Variants in EXOC4 observed in about 807,000 individuals in gnomAD.
The protein encoded by EXOC4 is SEC8-like 1.
In EXOC4, 71 loss-of-function variants were observed where a neutral mutation model predicts 107.2. The ratio of observed to expected loss-of-function variants is 0.66; its 90% confidence interval spans 0.55 to 0.81. The LOEUF is 0.81. Ranked by LOEUF, EXOC4 falls within the 30% of genes least tolerant of loss-of-function variation. The pLI is 0.00. For synonymous variants in EXOC4, 456 were observed against 441.2 expected (o/e 1.03, Z -0.42); for missense variants, 1,108 against 1,189.6 (o/e 0.93, Z 1.01).
intron 9 of EXOC4, among the ~76,000 whole-genome samples, chr7:133,596,495 T>G (rs1801678017): frequency 6.6e-6 from 1 of 152,252 alleles, no homozygotes; most frequent in African/African-American, 2.4e-5. Flanking sequence ...TATAATCGTT[T>G]GTTTGTTGTG....
chr7:133,674,136 G>A (rs1325076897), intron 10 of EXOC4, among the ~76,000 whole-genome samples: 4 of 152,210 alleles, frequency 2.6e-5, no homozygotes, highest in African/African-American at 9.6e-5. Context: ...AAAGTCACAT[G>A]AGGAATGGGG....
chr7:133,580,237 A>G (rs1801223763), intron 9 of EXOC4, among the ~76,000 whole-genome samples: 1 of 152,220 alleles, frequency 6.6e-6, no homozygotes, highest in African/African-American at 2.4e-5. Context: ...TGTGACTTAC[A>G]TGGCGTGTAC....
At chr7:133,627,327 G>A (rs1651999399) in intron 9 of EXOC4, among the ~76,000 whole-genome samples, 4 of 152,142 alleles carry the variant, frequency 2.6e-5, no homozygotes, top group Admixed American at 2.6e-4. Flanking sequence ...ATACATGAAG[G>A]TTTTCATTTG....
chr7:133,911,306 G>A (rs1294389196), intron 12 of EXOC4, among the ~76,000 whole-genome samples: 2 of 152,102 alleles, frequency 1.3e-5, no homozygotes, highest in Non-Finnish European at 2.9e-5. Context: ...ACATGATCTG[G>A]TTTACCAGAA....
intron 11 of EXOC4, among the ~76,000 whole-genome samples, chr7:133,879,103 A>AT (rs1798910183): frequency 6.6e-6 from 1 of 151,964 alleles, no homozygotes; most frequent in Admixed American, 6.6e-5. Flanking sequence ...CAAAATGGTT[A>AT]TTTTTTATTT....
At chr7:133,473,525 T>A (rs1798932641) in intron 7 of EXOC4, among the ~76,000 whole-genome samples, 2 of 152,164 alleles carry the variant, frequency 1.3e-5, no homozygotes, top group African/African-American at 4.8e-5. Context: ...ATTAATGACC[T>A]TTTTTGTCTT....
chr7:133,753,031 C>G (rs984249531), intron 10 of EXOC4, among the ~76,000 whole-genome samples: 3 of 152,218 alleles, frequency 2.0e-5, no homozygotes, highest in Non-Finnish European at 2.9e-5. Context: ...ATCACTTCCA[C>G]TTCTGCAACA....
At chr7:133,263,707 T>A (rs2150509553) in intron 1 of EXOC4, among the ~76,000 whole-genome samples, 1 of 152,212 alleles carries the variant, frequency 6.6e-6, no homozygotes, top group East Asian at 1.9e-4. Flanking sequence ...TTTTTGTACA[T>A]GGTTGAAAAT....
intron 9 of EXOC4, among the ~76,000 whole-genome samples, chr7:133,481,830 C>T (rs1799165299): frequency 6.6e-6 from 1 of 152,084 alleles, no homozygotes; most frequent in Non-Finnish European, 1.5e-5. Context: ...AGTGAAAGGA[C>T]AGAAAGGAGT....
chr7:133,721,991 A>G (rs1363003573), intron 10 of EXOC4, among the ~76,000 whole-genome samples: 1 of 152,172 alleles, frequency 6.6e-6, no homozygotes, highest in Admixed American at 6.6e-5. Context: ...AAAACCTGAG[A>G]TTCTTCACAG....
At position 134,064,317 on chromosome 7, in the gene EXOC4, C is replaced by T. The variant is rs199617480; in HGVS notation, c.2714C>T (p.Thr905Ile). The T allele has an allele frequency of 6.0e-6, 9 of 1,492,274 alleles. No individual in the cohort carries two copies. The East Asian group carries it at 2.2e-4, about 36-fold the overall frequency. The allele number at this position is 1,492,274 out of a possible 1,614,324, so 92.4% of individuals were successfully genotyped here. ...ARQYYEMLYN[T>I]ADELLNLVVD... is the part of the protein sequence containing the mutation. ...CAGTACTACGAGATGCTTTACAACACAGCTGACGAGCTCCTGAACCTGGTG... is the reference window on the plus strand; with the variant it reads ...CAGTACTACGAGATGCTTTACAACATAGCTGACGAGCTCCTGAACCTGGTG... The change falls in exon 18 of 18, where the codon ACA becomes ATA. Residue 905 changes from threonine (T) to isoleucine (I), a missense_variant. Thr to Ile is a moderately conservative substitution (Grantham distance 89, BLOSUM62 -1). Coordinates refer to ENST00000253861, the MANE Select transcript of EXOC4 (RefSeq NM_021807.4).
intron 13 of EXOC4, among the ~76,000 whole-genome samples, chr7:133,924,158 C>G (rs10255193): frequency 0.46 from 70,540 of 151,970 alleles, 17,621 homozygotes; most frequent in African/African-American, 0.65. Context: ...TTTGAAGATG[C>G]CTGGGTGAAC....
At chr7:133,899,367 A>G (rs80225071) in intron 12 of EXOC4, among the ~76,000 whole-genome samples, 2,282 of 152,276 alleles carry the variant, frequency 0.015, 18 homozygotes, top group Middle Eastern at 0.027. Flanking sequence ...TTTTCCAATC[A>G]TTTATGTTCC....
intron 5 of EXOC4, among the ~76,000 whole-genome samples, chr7:133,324,132 A>G (rs1419133369): frequency 6.6e-6 from 1 of 151,956 alleles, no homozygotes; most frequent in Non-Finnish European, 1.5e-5. Flanking sequence ...CTAGTGGTCT[A>G]TCAATTTTGT....
At chr7:133,443,310 A>G (rs1314936191) in intron 7 of EXOC4, among the ~76,000 whole-genome samples, 1 of 152,122 alleles carries the variant, frequency 6.6e-6, no homozygotes, top group Non-Finnish European at 1.5e-5. Context: ...GCCCAGGGCA[A>G]GGGGAAAGAT....
chr7:133,581,644 G>C (rs974405371), intron 9 of EXOC4, among the ~76,000 whole-genome samples: 6 of 150,828 alleles, frequency 4.0e-5, no homozygotes, highest in Non-Finnish European at 5.9e-5. Context: ...TGTAATCCCA[G>C]CTACTCGGGA....
chr7:133,716,320 A>T (rs1399533882), intron 10 of EXOC4, among the ~76,000 whole-genome samples: 4 of 152,198 alleles, frequency 2.6e-5, no homozygotes, highest in Non-Finnish European at 5.9e-5. Context: ...TGAAAAATGT[A>T]AGGGCTTGTT....
intron 10 of EXOC4, among the ~76,000 whole-genome samples, chr7:133,703,522 G>A (rs965197323): frequency 2.6e-5 from 4 of 152,176 alleles, no homozygotes; most frequent in Admixed American, 2.6e-4. Context: ...CTTCCTTTCA[G>A]TGAGCACAAG....
At chr7:133,263,461 A>G (rs1450505028) in intron 1 of EXOC4, among the ~76,000 whole-genome samples, 1 of 132,766 alleles carries the variant, frequency 7.5e-6, no homozygotes, top group Non-Finnish European at 1.5e-5. Context: ...AGCTCACTTC[A>G]TCCTCTGCCT....
Sources: gnomAD v4.1 joint callset for allele counts (sites outside exome capture counted in the v4.1 genomes callset) on GRCh38, gnomAD v4.1.1 for gene constraint, MANE v1.5 for transcripts, NCBI Gene and HGNC (gene_info 2026-07-23, HGNC 2026-07-21) for gene names.